DPYD: variants seen among roughly 807,000 people sequenced by gnomAD.
DPYD encodes the protein dihydropyrimidine dehydrogenase, also known as dihydropyrimidine dehydrogenase [NADP(+)].
DPYD carries 109 observed loss-of-function variants against 116.2 expected under a neutral mutation model. The observed-to-expected ratio is 0.94, with a 90% CI of 0.80 to 1.10. The LOEUF is 1.10. Among genes scored for constraint, DPYD ranks in the 50% least tolerant of loss-of-function variants. The pLI, the probability that DPYD is intolerant of heterozygous loss-of-function variation, is 0.00. For synonymous variants in DPYD, 440 were observed against 432.0 expected (o/e 1.02, Z -0.23); for missense variants, 1,302 against 1,254.5 (o/e 1.04, Z -0.57).
At chr1:97,532,659 T>C (rs1482481022) in intron 12 of DPYD, among the ~76,000 whole-genome samples, 2 of 152,122 alleles carry the variant, frequency 1.3e-5, no homozygotes, top group African/African-American at 4.8e-5. Context: ...GTCAAATTTG[T>C]TCATAATAGT....
At chr1:97,246,850 A>G (rs969764941) in intron 18 of DPYD, among the ~76,000 whole-genome samples, 3 of 152,158 alleles carry the variant, frequency 2.0e-5, no homozygotes, top group East Asian at 1.9e-4. Context: ...GTTAATAAAA[A>G]TAATATTCCT....
chr1:97,642,215 T>A (rs1028944380), intron 8 of DPYD, among the ~76,000 whole-genome samples: 1 of 151,572 alleles, frequency 6.6e-6, no homozygotes, highest in Non-Finnish European at 1.5e-5. Flanking sequence ...CAAGCTACCA[T>A]TGACTTTCTT....
chr1:97,442,954 T>C (rs922703815), intron 14 of DPYD, among the ~76,000 whole-genome samples: 1 of 152,322 alleles, frequency 6.6e-6, no homozygotes, highest in East Asian at 1.9e-4. Flanking sequence ...ATCTAATTTA[T>C]GGTAGTGAAT....
At chr1:97,724,456 G>T (rs960939502) in intron 4 of DPYD, among the ~76,000 whole-genome samples, 2 of 151,316 alleles carry the variant, frequency 1.3e-5, no homozygotes, top group Admixed American at 6.6e-5. Context: ...AGACACAGAA[G>T]AGCCAATGTT....
At chr1:97,189,334 T>A (rs1658201163) in intron 20 of DPYD, among the ~76,000 whole-genome samples, 1 of 152,176 alleles carries the variant, frequency 6.6e-6, no homozygotes, top group Admixed American at 6.6e-5. Context: ...ATTCCAGATG[T>A]CGGGAACAGC....
intron 19 of DPYD, among the ~76,000 whole-genome samples, chr1:97,221,938 T>G (rs1283197217): frequency 1.3e-5 from 2 of 152,018 alleles, no homozygotes; most frequent in Non-Finnish European, 2.9e-5. Context: ...AATAACTATT[T>G]CTAATAGTCA....
chr1:97,335,138 C>T (rs529226989), intron 16 of DPYD, among the ~76,000 whole-genome samples: 2 of 152,216 alleles, frequency 1.3e-5, no homozygotes, highest in East Asian at 3.9e-4. Context: ...TTTGTAGAGG[C>T]TGCTTCCTAA....
chr1:97,403,308 TG>T (rs1268179441), intron 14 of DPYD, among the ~76,000 whole-genome samples: 1 of 152,058 alleles, frequency 6.6e-6, no homozygotes, highest in African/African-American at 2.4e-5. Context: ...GAATGTATGT[TG>T]CTTTTGCATC....
intron 20 of DPYD, among the ~76,000 whole-genome samples, chr1:97,101,023 A>C (rs185030420): frequency 6.6e-6 from 1 of 152,138 alleles, no homozygotes; most frequent in Admixed American, 6.6e-5. Context: ...AGATTCCTAC[A>C]GGATTTTCTT....
intron 20 of DPYD, among the ~76,000 whole-genome samples, chr1:97,171,729 T>C (rs1656735425): frequency 6.6e-6 from 1 of 152,236 alleles, no homozygotes; most frequent in Admixed American, 6.5e-5. Context: ...TTAATTTGTA[T>C]TGTCATTATC....
chr1:97,800,156 A>G (rs1667777312), intron 3 of DPYD, among the ~76,000 whole-genome samples: 1 of 151,998 alleles, frequency 6.6e-6, no homozygotes, highest in African/African-American at 2.4e-5. Flanking sequence ...CCTACTTCAT[A>G]GGAGTGTCAC....
At chr1:97,432,330 A>G (rs1675228522) in intron 14 of DPYD, among the ~76,000 whole-genome samples, 1 of 152,090 alleles carries the variant, frequency 6.6e-6, no homozygotes, top group Non-Finnish European at 1.5e-5. Flanking sequence ...TATGTCTTCA[A>G]CTTCACTGAT....
chr1:97,577,999 C>T (rs1018875932), intron 10 of DPYD, among the ~76,000 whole-genome samples: 8 of 151,962 alleles, frequency 5.3e-5, no homozygotes, highest in Non-Finnish European at 1.2e-4. Flanking sequence ...GCACCCGCCA[C>T]CATGCCTGGC....
intron 5 of DPYD, among the ~76,000 whole-genome samples, chr1:97,705,908 GT>G (rs1661918276): frequency 6.6e-6 from 1 of 151,900 alleles, no homozygotes; most frequent in South Asian, 2.1e-4. Flanking sequence ...TTTTTCATGT[GT>G]TTTTTGGCCG....
intron 16 of DPYD, among the ~76,000 whole-genome samples, chr1:97,334,094 A>G (rs2101178957): frequency 6.6e-6 from 1 of 152,258 alleles, no homozygotes; most frequent in African/African-American, 2.4e-5. Flanking sequence ...TTTTATGAGG[A>G]AAATTATATA....
chr1:97,689,068 CTT>C (rs200273261), intron 7 of DPYD, among the ~76,000 whole-genome samples: 21 of 142,320 alleles, frequency 1.5e-4, no homozygotes, highest in African/African-American at 5.1e-4. Flanking sequence ...TATTATACCT[CTT>C]TTTTTTTTTA....
chr1:97,280,970 C>T (rs903956453), intron 18 of DPYD, among the ~76,000 whole-genome samples: 10 of 152,002 alleles, frequency 6.6e-5, no homozygotes, highest in South Asian at 2.1e-4. Context: ...ACAATGTATT[C>T]GTGCACTGGA....
At chr1:97,907,306 A>G (rs921053618) in intron 1 of DPYD, among the ~76,000 whole-genome samples, 1 of 152,126 alleles carries the variant, frequency 6.6e-6, no homozygotes, top group African/African-American at 2.4e-5. Flanking sequence ...GTTCTTTTCC[A>G]TATTTGATAA....
At chr1:97,258,330 A>G (rs1449998451) in intron 18 of DPYD, among the ~76,000 whole-genome samples, 4 of 152,250 alleles carry the variant, frequency 2.6e-5, no homozygotes, top group African/African-American at 9.6e-5. Flanking sequence ...CCACCACAAG[A>G]GCCTACTAAG....
Sources: allele counts gnomAD v4.1 joint callset (sites outside exome capture counted in the v4.1 genomes callset), GRCh38; gene constraint gnomAD v4.1.1; transcripts MANE v1.5; gene names NCBI Gene and HGNC (gene_info 2026-07-23, HGNC 2026-07-21).